The following PTPN3 variants were observed in gnomAD, a reference collection of about 807,000 sequenced individuals.
PTPN3 encodes protein tyrosine phosphatase non-receptor type 3.
A neutral mutation model predicts 132.7 loss-of-function variants in PTPN3; 96 were observed. The ratio of observed to expected loss-of-function variants is 0.72; its 90% CI spans 0.61 to 0.86. The LOEUF (loss-of-function observed/expected upper bound fraction) is 0.86, where lower values mean the gene tolerates loss of function less well. Ranked by LOEUF, PTPN3 falls within the 40% of genes least tolerant of loss-of-function variation. The pLI, the probability that PTPN3 is intolerant of heterozygous loss-of-function variation, is 0.00. For missense variants in PTPN3, 1,125 were observed against 1,159.6 expected, an observed-to-expected ratio of 0.97 and a Z score of 0.43; for synonymous variants, 398 against 429.0, an observed-to-expected ratio of 0.93 and a Z score of 0.89.
rs201209437 is a variant in PTPN3, at chr9:109,381,684, G to T, written c.2632C>A (p.Arg878=). 6.2e-7 allele frequency: 1 copy of T among 1,614,182 alleles called. No homozygotes were observed. The highest frequency in any genetic ancestry group is 1.3e-5 in the African/African-American group (1 of 75,056). The change falls in exon 25 of 26, where the codon CGA becomes AGA. Residue 878 remains arginine (R), a synonymous_variant. Transcript: ENST00000374541. ...TGCACCATCATGGCGCGCTGGTCTC[G>T]CATTTTTCGGACAATATCCAGTGGG... ...IYPLDIVRKM[R]DQRAMMVQTS...
At chr9:109,493,629 G>C (rs1325235665) in intron 1 of PTPN3, among the ~76,000 whole-genome samples, 2 of 152,130 alleles carry the variant, frequency 1.3e-5, no homozygotes, top group Non-Finnish European at 2.9e-5. Flanking sequence ...GCCTCCTCTT[G>C]CACAAAGCAG....
At chr9:109,451,500 C>A (rs1845244921) in intron 5 of PTPN3, 1 of 747,954 alleles carries the variant, frequency 1.3e-6, no homozygotes, top group Non-Finnish European at 1.6e-6. Flanking sequence ...GTAGCCTCCA[C>A]CCACTGGCCA....
At chr9:109,527,190 G>A in the PTPN3 span, among the ~76,000 whole-genome samples, 87 of 152,330 alleles carry the variant, frequency 5.7e-4, no homozygotes, top group Admixed American at 1.6e-3. Context: ...GCTGGGTGTG[G>A]TGGCTCACAC....
the PTPN3 span, among the ~76,000 whole-genome samples, chr9:109,527,538 T>A: frequency 6.6e-6 from 1 of 152,164 alleles, no homozygotes. Flanking sequence ...AAGGAATAAG[T>A]TCTAGCATTT....
intron 6 of PTPN3, among the ~76,000 whole-genome samples, chr9:109,447,581 T>C (rs1487262162): frequency 6.6e-6 from 1 of 152,154 alleles, no homozygotes; most frequent in Non-Finnish European, 1.5e-5. Context: ...GAGTGCTCAA[T>C]AGTCAACAGC....
At chr9:109,393,986 C>T (rs1322172905) in intron 19 of PTPN3, among the ~76,000 whole-genome samples, 4 of 152,206 alleles carry the variant, frequency 2.6e-5, no homozygotes, top group Non-Finnish European at 4.4e-5. Context: ...CAGCTACTCA[C>T]CACCTTTACA....
Position 109,404,583 on chromosome 9 carries a change from C to G in PTPN3, c.1818G>C (p.Lys606Asn). The G allele has an allele frequency of 6.5e-7, 1 of 1,549,318 alleles. No individual in the cohort carries two copies. The highest frequency in any genetic ancestry group is 1.3e-5 in the South Asian group (1 of 79,148). The change falls in exon 19 of 26, where the codon AAG (lysine) becomes AAC (asparagine). Residue 606 changes from lysine (K) to asparagine (N), a missense_variant. By Grantham distance (94) the Lys-to-Asn change is moderately conservative (BLOSUM62 0). Coordinates refer to ENST00000374541, the MANE Select transcript of PTPN3 (RefSeq NM_002829.4). Reference sequence around the variant, plus strand: ...AAAGCTGGTTCAGTTCATCTTCAGACTTGAAGTCAGCAAATGAGCGGACAG... The same window carrying G: ...AAAGCTGGTTCAGTTCATCTTCAGAGTTGAAGTCAGCAAATGAGCGGACAG... ...RRAVRSFADFKSEDELNQLFP... is the reference protein window; with the variant it reads ...RRAVRSFADFNSEDELNQLFP...
At chr9:109,529,279 C>A in the PTPN3 span, among the ~76,000 whole-genome samples, 2 of 152,232 alleles carry the variant, frequency 1.3e-5, no homozygotes, top group Non-Finnish European at 2.9e-5. Context: ...TCAGCACCAT[C>A]AGGGAACTTA....
At chr9:109,448,940 CAAGAGCTGTACATGTGAAAGATACATAAA>C (rs1464090283) in intron 5 of PTPN3, 85 bp from the exon 6 acceptor site, 3 of 1,533,540 alleles carry the variant, frequency 2.0e-6, no homozygotes, top group Non-Finnish European at 1.7e-6. Flanking sequence ...GAGTCAAAGA[CAAGAGCTGTACATGTGAAAGATACATAAA>C]AATACGGTTT....
intron 2 of PTPN3, among the ~76,000 whole-genome samples, chr9:109,457,912 A>G (rs1845648846): frequency 6.6e-6 from 1 of 152,236 alleles, no homozygotes; most frequent in Admixed American, 6.5e-5. Flanking sequence ...CCTCAGAGTG[A>G]TGTGGCCTGT....
chr9:109,400,318 T>C (rs57740025), intron 19 of PTPN3, among the ~76,000 whole-genome samples: 5,699 of 152,314 alleles, frequency 0.037, 145 homozygotes, highest in East Asian at 0.15. Context: ...TTACTTTTTA[T>C]GGCACTTTGA....
At chr9:109,461,844 G>A (rs1845857872) in intron 2 of PTPN3, among the ~76,000 whole-genome samples, 1 of 152,170 alleles carries the variant, frequency 6.6e-6, no homozygotes, top group African/African-American at 2.4e-5. Context: ...ATGGGTTAGT[G>A]CAGACACAGA....
chr9:109,414,228 TA>T (rs1842304912), intron 14 of PTPN3, among the ~76,000 whole-genome samples: 1 of 152,212 alleles, frequency 6.6e-6, no homozygotes, highest in Non-Finnish European at 1.5e-5. Flanking sequence ...GAAGGCGAGT[TA>T]AATGGTTCTC....
chr9:109,410,483 CT>C, intron 14 of PTPN3, 68 bp from the exon 15 acceptor site: 2 of 1,511,090 alleles, frequency 1.3e-6, no homozygotes, highest in Non-Finnish European at 1.8e-6. Flanking sequence ...ACACTACTGA[CT>C]GTAGGGGCCT....
intron 19 of PTPN3, among the ~76,000 whole-genome samples, chr9:109,402,385 T>C (rs954431260): frequency 3.3e-5 from 5 of 152,044 alleles, no homozygotes; most frequent in Admixed American, 6.6e-5. Flanking sequence ...TTCAAGTGAT[T>C]CCCCTGCCTC....
At position 109,481,664 on chromosome 9, in the gene PTPN3, A is replaced by T. The variant is rs149113968; in HGVS notation, c.-18+16555T>A. ...CCTTAAATGTAAGTTCCTTAAAGGCAGGGATTTTAGTAGTGAACTGCCATC... is the reference window on the plus strand; with the variant it reads ...CCTTAAATGTAAGTTCCTTAAAGGCTGGGATTTTAGTAGTGAACTGCCATC... On this transcript the variant is annotated intron_variant, in intron 1 of 25. Transcript: ENST00000374541. Among the ~76,000 whole-genome samples, 78 of 152,334 alleles carry T rather than the reference A, an allele frequency of 5.1e-4. 1 individual carries two copies. Among genetic ancestry groups the T allele is most frequent in the African/African-American group, 1.8e-3 (74 of 41,578 alleles).
intron 7 of PTPN3, 98 bp from the exon 8 acceptor site, chr9:109,438,332 T>C: frequency 7.6e-7 from 1 of 1,311,760 alleles, no homozygotes; most frequent in Non-Finnish European, 1.0e-6. Flanking sequence ...ATAACATTAA[T>C]TAGAAATACT....
At position 109,427,072 on chromosome 9, in the gene PTPN3, A is replaced by G; in HGVS notation, c.879T>C (p.Ser293=). 6.2e-7 allele frequency: 1 copy of G among 1,614,148 alleles called. No homozygotes were observed. Among genetic ancestry groups the G allele is most frequent in the South Asian group, 1.1e-5 (1 of 91,088 alleles). Residue 293 remains serine, a synonymous_variant, in exon 12 of 26, where the codon TCT becomes TCC. Transcript: ENST00000374541. ...IVAFNMLNYR[S]CKNLWKSCVE... ...CACAGGATTTCCACAAGTTTTTGCA[A>G]GATCGGTAATTCAGCATGTTGAAGG...
At chr9:109,411,776 T>C (rs1238922159) in intron 14 of PTPN3, among the ~76,000 whole-genome samples, 2 of 152,206 alleles carry the variant, frequency 1.3e-5, no homozygotes, top group Non-Finnish European at 2.9e-5. Flanking sequence ...ATCTGTATCA[T>C]AGTCACACAG....
Sources: gnomAD v4.1 joint callset for allele counts (sites outside exome capture counted in the v4.1 genomes callset) on GRCh38, gnomAD v4.1.1 for gene constraint, MANE v1.5 for transcripts, NCBI Gene and HGNC (gene_info 2026-07-23, HGNC 2026-07-21) for gene names.